NUP214: variants seen among roughly 807,000 people sequenced by gnomAD.
NUP214 encodes nuclear pore complex protein Nup214.
In NUP214, 79 loss-of-function variants were observed where a neutral mutation model predicts 196.2. The ratio of observed to expected loss-of-function variants is 0.40; its 90% CI spans 0.34 to 0.49. The LOEUF (loss-of-function observed/expected upper bound fraction) is 0.49, where lower values mean the gene tolerates loss of function less well. NUP214 is among the 20% of genes least tolerant of loss of function. The probability of loss-of-function intolerance (pLI) is 0.58; values close to 1 mark genes in which losing one functional copy is unlikely to be tolerated. For synonymous variants in NUP214, 1,020 were observed against 990.5 expected, an observed-to-expected ratio of 1.03 and a Z score of -0.56; for missense variants, 2,468 against 2,539.0, an observed-to-expected ratio of 0.97 and a Z score of 0.60.
chr9:131,203,996 T>C lies in NUP214; in HGVS notation c.5592+2279T>C, dbSNP rs140517892. ...GTCTCAGCCCCTGACTAGACTGATA[T>C]GGTTCCAGAGTGATGCTGCCTCCAG... is the stretch of plus-strand genomic sequence containing the variant. On this transcript the variant is annotated intron_variant, in intron 30 of 35. Transcript: ENST00000359428. 2.4e-3 allele frequency among the ~76,000 whole-genome samples: 367 copies of C among 152,350 alleles called. 4 individuals are homozygous for C. The highest frequency in any genetic ancestry group is 8.3e-3 in the African/African-American group (347 of 41,580).
In NUP214 at chr9:131,174,202, G is replaced by A. The variant is rs368080717; in HGVS notation, c.3041G>A (p.Arg1014Gln). Residue 1014 changes from arginine (R) to glutamine (Q), a missense_variant, in exon 22 of 36, where the codon CGG becomes CAG. By Grantham distance (43) the Arg-to-Gln change is conservative (BLOSUM62 1). This residue lies in a region of NUP214 where 1,801 missense variants were observed against 1,779.4 expected (regional missense o/e 1.01). Transcript: ENST00000359428. ...GACGAGGCAGTGGTTCAGGCCCCTC[G>A]GCACGCCCCCGTGGTTCGCACTCCT... ...KDDEAVVQAP[R>Q]HAPVVRTPSI... 1.7e-5 allele frequency: 28 copies of A among 1,613,744 alleles called. No homozygotes were observed. Among genetic ancestry groups the A allele is most frequent in the African/African-American group, 5.3e-5 (4 of 74,864 alleles).
chr9:131,195,138 G>A (rs1588159180), intron 27 of NUP214, 95 bp from the exon 28 acceptor site: 2 of 847,316 alleles, frequency 2.4e-6, no homozygotes, highest in East Asian at 2.5e-5. Context: ...ATTCCTGAGG[G>A]CGGTTTGTAT....
rs1374672904 is a variant in NUP214, at chr9:131,159,380, T to C, written c.2437-3T>C. On this transcript the variant is annotated splice_polypyrimidine_tract_variant and splice_region_variant and intron_variant, in intron 17 of 35. Transcript: ENST00000359428. Reference sequence around the variant, plus strand: ...TATTTGCCTTTTAATTTTTTTCTTATAGGAAATTCGGCGCCTTCATCAGTA... The same window carrying C: ...TATTTGCCTTTTAATTTTTTTCTTACAGGAAATTCGGCGCCTTCATCAGTA... 1.2e-5 allele frequency: 19 copies of C among 1,610,434 alleles called. No homozygotes were observed. Among genetic ancestry groups the C allele is most frequent in the Middle Eastern group, 1.7e-4 (1 of 6,056 alleles).
intron 30 of NUP214, among the ~76,000 whole-genome samples, chr9:131,214,981 A>G (rs992184999): frequency 6.6e-6 from 1 of 152,188 alleles, no homozygotes; most frequent in Non-Finnish European, 1.5e-5. Context: ...CACCTACCAT[A>G]AATCATGTTT....
At position 131,134,974 on chromosome 9, in the gene NUP214, A is replaced by G. The variant is rs1831675612; in HGVS notation, c.908A>G (p.His303Arg). 4 of 1,613,244 alleles carry G rather than the reference A, an allele frequency of 2.5e-6. No homozygotes were observed. The highest frequency in any genetic ancestry group is 2.2e-5 in the East Asian group (1 of 44,896). Residue 303 changes from histidine to arginine, a missense_variant, in exon 8 of 36, where the codon CAT (histidine) becomes CGT (arginine). His to Arg is a conservative substitution (Grantham distance 29, BLOSUM62 0). Around this residue, in one of 5 missense-constraint regions of NUP214, gnomAD observed 392 missense variants for 417.9 expected, o/e 0.94. Transcript: ENST00000359428. ...TATGGCAGCTGCACGGAGAGACAGC[A>G]TCATTACTACCTCAGTTACATTGAG... is the stretch of plus-strand genomic sequence containing the variant. ...PCYGSCTERQ[H>R]HYYLSYIEEW...
At chr9:131,158,032 C>A (rs1012800508) in intron 17 of NUP214, among the ~76,000 whole-genome samples, 1 of 152,028 alleles carries the variant, frequency 6.6e-6, no homozygotes, top group African/African-American at 2.4e-5. Flanking sequence ...ATACACCCGT[C>A]CTGGCCTCCC....
At chr9:131,233,213 C>T (rs1834925430) in intron 35 of NUP214, among the ~76,000 whole-genome samples, 1 of 151,946 alleles carries the variant, frequency 6.6e-6, no homozygotes, top group African/African-American at 2.4e-5. Flanking sequence ...GTGGTGCATG[C>T]CTGTAATCCC....
chr9:131,218,060 CAT>C (rs1834452120), intron 31 of NUP214, among the ~76,000 whole-genome samples: 1 of 152,192 alleles, frequency 6.6e-6, no homozygotes, highest in South Asian at 2.1e-4. Context: ...AAAGTAAACA[CAT>C]AACTATTCTT....
At chr9:131,208,863 A>G (rs1436316768) in intron 30 of NUP214, among the ~76,000 whole-genome samples, 1 of 150,138 alleles carries the variant, frequency 6.7e-6, no homozygotes, top group Non-Finnish European at 1.5e-5. Flanking sequence ...AAAAACAAAA[A>G]TTAGCTGGGC....
At position 131,195,267 on chromosome 9, in the gene NUP214, C is replaced by T. The variant is rs1182529385; in HGVS notation, c.3694C>T (p.Pro1232Ser). ...TAATTTTGGGATAATCACACCAACACCGTCTTCTAATTTCACTGCTGCACA... is the reference window on the plus strand; with the variant it reads ...TAATTTTGGGATAATCACACCAACATCGTCTTCTAATTTCACTGCTGCACA... Reference protein sequence around the residue: ...GFNFGIITPTPSSNFTAAQGA... With the variant: ...GFNFGIITPTSSSNFTAAQGA... Residue 1232 changes from proline to serine, a missense_variant, in exon 28 of 36, where the codon CCG becomes TCG. Physicochemically the swap from Pro to Ser is moderately conservative, Grantham distance 74. Around this residue, in one of 5 missense-constraint regions of NUP214, gnomAD observed 1,801 missense variants for 1,779.4 expected, o/e 1.01. Transcript: ENST00000359428. 1 of 1,613,424 alleles carries T rather than the reference C, an allele frequency of 6.2e-7. No individual in the cohort carries two copies. The highest frequency in any genetic ancestry group is 8.5e-7 in the Non-Finnish European group (1 of 1,179,586).
At chr9:131,135,809 C>G (rs1473275779) in intron 8 of NUP214, 131 bp from the exon 9 acceptor site, 2 of 640,390 alleles carry the variant, frequency 3.1e-6, no homozygotes, top group East Asian at 5.4e-5. Flanking sequence ...CACCTTTGTT[C>G]AACCAGATAA....
chr9:131,152,234 C>A (rs1259560147), intron 17 of NUP214, among the ~76,000 whole-genome samples: 1 of 152,180 alleles, frequency 6.6e-6, no homozygotes, highest in African/African-American at 2.4e-5. Context: ...CTGCCTCAGC[C>A]TCCTGAGTAG....
At chr9:131,225,418 C>CA (rs764603898) in intron 32 of NUP214, among the ~76,000 whole-genome samples, 149 of 151,616 alleles carry the variant, frequency 9.8e-4, no homozygotes, top group Non-Finnish European at 4.7e-4. Context: ...GACTCTGTCT[C>CA]AAAAAAAAGA....
At chr9:131,127,890 G>GTATTTCTCC (rs1204411031) in intron 2 of NUP214, among the ~76,000 whole-genome samples, 171 bp downstream of exon 2, 5 of 152,160 alleles carry the variant, frequency 3.3e-5, no homozygotes, top group African/African-American at 1.2e-4. Flanking sequence ...TTGGTCCTTT[G>GTATTTCTCC]TATTTCTCCT....
chr9:131,226,872 A>G (rs1223730952), intron 32 of NUP214, among the ~76,000 whole-genome samples: 2 of 152,218 alleles, frequency 1.3e-5, no homozygotes, highest in Non-Finnish European at 2.9e-5. Context: ...TTCCTGATTC[A>G]GATGGCAGAA....
Position 131,175,536 on chromosome 9 carries a change from T to A in NUP214, c.3234T>A (p.Gly1078=). The A allele has an allele frequency of 1.9e-6, 3 of 1,614,226 alleles. No homozygotes were observed. The highest frequency in any genetic ancestry group is 2.5e-6 in the Non-Finnish European group (3 of 1,180,038). Residue 1078 remains glycine (G), a synonymous_variant, in exon 23 of 36, where the codon GGT becomes GGA. Transcript: ENST00000359428. ...TTGCCACGAAAACCGTGAAACATGG[T>A]GCACCTAGTCCTTCCCACCCCATCT... The part of the protein sequence containing the change: ...TMLATKTVKH[G]APSPSHPISA...
intron 21 of NUP214, among the ~76,000 whole-genome samples, chr9:131,169,385 G>A (rs1832890614): frequency 6.6e-6 from 1 of 152,132 alleles, no homozygotes. Flanking sequence ...GTGCATGCCT[G>A]TAATCCCAGC....
rs1394410557 is a variant in NUP214 at position 131,175,582 on chromosome 9, G to A, written c.3280G>A (p.Ala1094Thr). 9 of 1,614,026 alleles carry A rather than the reference G, an allele frequency of 5.6e-6. No individual in the cohort carries two copies. Among genetic ancestry groups the A allele is most frequent in the Admixed American group, 3.3e-5 (2 of 60,010 alleles). ...HPISAPQAAA[A>T]AALRRQMASQ... Reference sequence around the variant, plus strand: ...CATCTCAGCCCCGCAGGCAGCTGCCGCAGCAGCACTCAGGCGGCAGATGGC... The same window carrying A: ...CATCTCAGCCCCGCAGGCAGCTGCCACAGCAGCACTCAGGCGGCAGATGGC... Residue 1094 changes from alanine (A) to threonine (T), a missense_variant, in exon 23 of 36, where the codon GCA becomes ACA. By Grantham distance (58) the Ala-to-Thr change is moderately conservative (BLOSUM62 0). This residue lies in a region of NUP214 where 1,801 missense variants were observed against 1,779.4 expected (regional missense o/e 1.01). Transcript: ENST00000359428.
chr9:131,223,144 G>T (rs1191541334), intron 32 of NUP214, among the ~76,000 whole-genome samples: 4 of 151,896 alleles, frequency 2.6e-5, no homozygotes, highest in Non-Finnish European at 5.9e-5. Context: ...TAAAAGCATA[G>T]AATGCAAGTA....
Sources: allele counts gnomAD v4.1 joint callset (sites outside exome capture counted in the v4.1 genomes callset), GRCh38; gene constraint gnomAD v4.1.1; regional missense constraint gnomAD v4.1.1; transcripts MANE v1.5; gene names NCBI Gene and HGNC (gene_info 2026-07-23, HGNC 2026-07-21).